Variants in ST6GALNAC3 observed in about 807,000 individuals in gnomAD.
ST6GALNAC3 encodes the protein alpha-N-acetylgalactosaminide alpha-2,6-sialyltransferase 3.
Under a neutral mutation model 32.7 loss-of-function variants are expected in ST6GALNAC3, and 25 were observed. The observed-to-expected ratio is 0.76, with a 90% CI of 0.56 to 1.07. The LOEUF is 1.07. Ranked by LOEUF, ST6GALNAC3 falls within the 50% of genes least tolerant of loss-of-function variation. The pLI is 0.00. For synonymous variants in ST6GALNAC3, 129 were observed against 133.1 expected (o/e 0.97, Z 0.21); for missense variants, 355 against 382.4 (o/e 0.93, Z 0.60).
chr1:76,346,296 G>A (rs1006830098), intron 2 of ST6GALNAC3, among the ~76,000 whole-genome samples: 1 of 152,162 alleles, frequency 6.6e-6, no homozygotes, highest in Non-Finnish European at 1.5e-5. Flanking sequence ...CAGACAGGAG[G>A]TGGTGAAGCC....
At chr1:76,308,400 A>G (rs958735761) in intron 1 of ST6GALNAC3, among the ~76,000 whole-genome samples, 2 of 152,158 alleles carry the variant, frequency 1.3e-5, no homozygotes, top group Non-Finnish European at 2.9e-5. Context: ...TATTGCATAT[A>G]TGCCATTTTT....
chr1:76,079,312 C>T (rs570582789), intron 1 of ST6GALNAC3, among the ~76,000 whole-genome samples: 1 of 152,286 alleles, frequency 6.6e-6, no homozygotes, highest in South Asian at 2.1e-4. Flanking sequence ...ATTTGTCTTT[C>T]TTCTTTTATA....
chr1:76,427,723 A>T (rs1655491550), intron 3 of ST6GALNAC3, among the ~76,000 whole-genome samples: 2 of 152,106 alleles, frequency 1.3e-5, no homozygotes, highest in African/African-American at 4.8e-5. Context: ...TTAAGTGCAC[A>T]TTGCCAGGAA....
At chr1:76,551,605 A>G (rs549607995) in intron 3 of ST6GALNAC3, among the ~76,000 whole-genome samples, 2 of 152,252 alleles carry the variant, frequency 1.3e-5, no homozygotes, top group East Asian at 1.9e-4. Context: ...CATTCATAGC[A>G]TGTGCAATTA....
chr1:76,577,460 T>C (rs1646829299), intron 3 of ST6GALNAC3: 1 of 274,398 alleles, frequency 3.6e-6, no homozygotes, highest in Non-Finnish European at 5.5e-6. Flanking sequence ...AATTAAAGCA[T>C]TAAAATTTCA....
chr1:76,152,608 A>G (rs987471905), intron 1 of ST6GALNAC3, among the ~76,000 whole-genome samples: 1 of 152,204 alleles, frequency 6.6e-6, no homozygotes, highest in African/African-American at 2.4e-5. Flanking sequence ...GCCAAGGACA[A>G]AACACACTGA....
rs1448087390 is a variant in ST6GALNAC3 at position 76,630,318 on chromosome 1, A to G, written c.*1512A>G. On this transcript the variant is annotated 3_prime_UTR_variant, in exon 5 of 5. Transcript: ENST00000328299. ...ATAAGTAGTTTTGAGAAGTTTTTCT[A>G]TATACGTATATATACACGTGTGGTT... 1.2e-5 allele frequency: 12 copies of G among 985,220 alleles called. 1 individual carries two copies. The South Asian group carries it at 4.2e-4, about 35-fold the overall frequency. The allele number at this position is 985,220 out of a possible 1,614,324, so 61.0% of individuals were successfully genotyped here. A position where few individuals can be genotyped will look rare whatever the true frequency, so the allele number is the denominator to read the frequency against.
intron 1 of ST6GALNAC3, among the ~76,000 whole-genome samples, chr1:76,187,749 A>G (rs2100491251): frequency 6.6e-6 from 1 of 152,090 alleles, no homozygotes; most frequent in East Asian, 1.9e-4. Context: ...ACACACACGC[A>G]CACACACACA....
Position 76,504,940 on chromosome 1 carries a change from A to G in ST6GALNAC3, c.623+92523A>G, listed in dbSNP as rs1248588222. ...GATAGAGCAGTCAGAGGCTTCCAGTATTTCTCTCTCATACGGTAATTTCAC... is the reference window on the plus strand; with the variant it reads ...GATAGAGCAGTCAGAGGCTTCCAGTGTTTCTCTCTCATACGGTAATTTCAC... On this transcript the variant is annotated intron_variant, in intron 3 of 4. Transcript: ENST00000328299. 2.0e-5 allele frequency among the ~76,000 whole-genome samples: 3 copies of G among 152,100 alleles called. 1 individual carries two copies. The highest frequency in any genetic ancestry group is 4.8e-5 in the African/African-American group (2 of 41,410).
At chr1:76,117,867 G>A (rs289689) in intron 1 of ST6GALNAC3, among the ~76,000 whole-genome samples, 92,122 of 152,078 alleles carry the variant, frequency 0.61, 28,389 homozygotes, top group African/African-American at 0.67. Flanking sequence ...AAGTTCCCTG[G>A]TCTTTCTGAA....
At chr1:76,543,212 A>G (rs550563677) in intron 3 of ST6GALNAC3, among the ~76,000 whole-genome samples, 38 of 152,238 alleles carry the variant, frequency 2.5e-4, no homozygotes, top group Admixed American at 3.3e-4. Context: ...CCTACAGTTA[A>G]GTACCGACTG....
chr1:76,177,972 G>A (rs1021021892), intron 1 of ST6GALNAC3, among the ~76,000 whole-genome samples: 7 of 152,190 alleles, frequency 4.6e-5, no homozygotes, highest in Non-Finnish European at 1.0e-4. Context: ...AGAAAATGAC[G>A]GATTTTGCAG....
At chr1:76,635,778 T>C (rs910730913), downstream of ST6GALNAC3, among the ~76,000 whole-genome samples, 1 of 152,158 alleles carries the variant, frequency 6.6e-6, no homozygotes, top group Non-Finnish European at 1.5e-5. Context: ...GTCCTCTCTA[T>C]TCGGCCTGCT....
intron 1 of ST6GALNAC3, among the ~76,000 whole-genome samples, chr1:76,288,246 T>TCCCCAAC (rs1659890325): frequency 6.6e-6 from 1 of 152,212 alleles, no homozygotes; most frequent in Non-Finnish European, 1.5e-5. Flanking sequence ...TATTGTATCT[T>TCCCCAAC]CTCCAACCTT....
At position 76,231,649 on chromosome 1, in the gene ST6GALNAC3, A is replaced by G. The variant is rs1474059277; in HGVS notation, c.19-82156A>G. Among the ~76,000 whole-genome samples, 6 of 152,360 alleles carry G rather than the reference A, an allele frequency of 3.9e-5. No homozygotes were observed. In the South Asian group the frequency reaches 1.0e-3, roughly 26 times the overall value. On this transcript the variant is annotated intron_variant, in intron 1 of 4. Transcript: ENST00000328299. ...GGATAATGTCCCTCAAGTTTTATCC[A>G]TGTTGTAGCATATATCAGAATATCC...
chr1:76,281,065 T>C (rs1414485), intron 1 of ST6GALNAC3, among the ~76,000 whole-genome samples: 19,499 of 152,188 alleles, frequency 0.13, 1,866 homozygotes, highest in East Asian at 0.31. Flanking sequence ...GTTTTGCAGA[T>C]TGGTAAGCTG....
intron 2 of ST6GALNAC3, among the ~76,000 whole-genome samples, chr1:76,342,968 A>G (rs1424701685): frequency 3.9e-5 from 6 of 151,984 alleles, no homozygotes; most frequent in Admixed American, 2.6e-4. Context: ...TAGATTCTGG[A>G]TATTAGCCCT....
chr1:76,241,255 T>C (rs1055437248), intron 1 of ST6GALNAC3, among the ~76,000 whole-genome samples: 1 of 152,216 alleles, frequency 6.6e-6, no homozygotes, highest in Non-Finnish European at 1.5e-5. Flanking sequence ...ATAGGTAATT[T>C]ATACAGAAGA....
chr1:76,117,754 T>C (rs1648577399), intron 1 of ST6GALNAC3, among the ~76,000 whole-genome samples: 1 of 152,146 alleles, frequency 6.6e-6, no homozygotes, highest in African/African-American at 2.4e-5. Flanking sequence ...GTAACTAAGC[T>C]AATTGGGAAG....
Sources: gnomAD v4.1 joint callset for allele counts (sites outside exome capture counted in the v4.1 genomes callset) on GRCh38, gnomAD v4.1.1 for gene constraint, MANE v1.5 for transcripts, NCBI Gene and HGNC (gene_info 2026-07-23, HGNC 2026-07-21) for gene names.